The following C16orf87 variants were observed in gnomAD, a reference collection of about 807,000 sequenced individuals.
The protein encoded by C16orf87 is HDAC and MIER1 interacting protein 1.
C16orf87 carries 13 observed loss-of-function variants against 21.0 expected under a neutral mutation model. The observed-to-expected ratio is 0.62, with a 90% CI of 0.40 to 0.98. The LOEUF (loss-of-function observed/expected upper bound fraction) is 0.98. Among genes scored for constraint, C16orf87 ranks in the 50% least tolerant of loss-of-function variants. The probability of loss-of-function intolerance (pLI) is 0.00; values close to 1 mark genes in which losing one functional copy is unlikely to be tolerated. For missense variants in C16orf87, 113 were observed against 180.4 expected (o/e 0.63, Z 2.14); for synonymous variants, 49 against 60.2 (o/e 0.81, Z 0.86).
At chr16:46,809,305 A>G (rs1284764470) in intron 3 of C16orf87, among the ~76,000 whole-genome samples, 3 of 151,902 alleles carry the variant, frequency 2.0e-5, no homozygotes, top group Non-Finnish European at 4.4e-5. Flanking sequence ...AAAAAAGTAC[A>G]ATCATTTTAA....
In C16orf87 at chr16:46,802,956, A is replaced by G. The variant is rs1340969483; in HGVS notation, c.461T>C (p.Leu154Pro). The G allele has an allele frequency of 2.0e-6, 3 of 1,494,128 alleles. No individual in the cohort carries two copies. The highest frequency in any genetic ancestry group is 1.8e-5 in the Admixed American group (1 of 57,110). 92.6% of individuals were successfully genotyped at this position (1,494,128 alleles called of 1,614,324 possible). Residue 154 changes from leucine (L) to proline (P), a missense_variant, in exon 4 of 4, where the codon CTC (leucine) becomes CCC (proline). Transcript: ENST00000285697. ...AGCAGATTTTGCAAACAAGTATCAGAGAATAAGTCTTTGATTGATAATTTT... is the reference window on the plus strand; with the variant it reads ...AGCAGATTTTGCAAACAAGTATCAGGGAATAAGTCTTTGATTGATAATTTT... ...NRKIINQRLI[L>P]
intron 2 of C16orf87, among the ~76,000 whole-genome samples, chr16:46,812,486 G>A (rs1968118883): frequency 6.6e-6 from 1 of 151,940 alleles, no homozygotes; most frequent in Non-Finnish European, 1.5e-5. Flanking sequence ...AAATTATATG[G>A]GATTTGCTTC....
rs1232848598 is a variant in C16orf87 at position 46,799,932 on chromosome 16, C to T, written c.*3020G>A. On this transcript the variant is annotated 3_prime_UTR_variant, in exon 4 of 4. Coordinates refer to ENST00000285697, the MANE Select transcript of C16orf87 (RefSeq NM_001001436.4). ...GGGATTACAGGTGTAAGCCACCATG[C>T]CTGGCCAATTAATACTTTATATAAA... 1 of 152,162 alleles carries T rather than the reference C, an allele frequency of 6.6e-6. No homozygotes were observed. The highest frequency in any genetic ancestry group is 6.5e-5 in the Admixed American group (1 of 15,274). 9.4% of individuals were successfully genotyped at this position (152,162 alleles called of 1,614,324 possible).
chr16:46,809,019 CAAAAAA>C (rs776311594), intron 3 of C16orf87, among the ~76,000 whole-genome samples: 2 of 51,556 alleles, frequency 3.9e-5, no homozygotes, highest in Non-Finnish European at 8.0e-5. Context: ...CTTTAAAAGA[CAAAAAA>C]AAAAAAAAAA....
Position 46,800,995 on chromosome 16 carries a change from G to C in C16orf87, c.*1957C>G, listed in dbSNP as rs140449159. On this transcript the variant is annotated 3_prime_UTR_variant, in exon 4 of 4. Coordinates refer to ENST00000285697, the MANE Select transcript of C16orf87 (RefSeq NM_001001436.4). ...TATTTTAACATGACTTTCCTGTAATGGTCTTCAGCTTTAAATGGATAGACT... is the reference window on the plus strand; with the variant it reads ...TATTTTAACATGACTTTCCTGTAATCGTCTTCAGCTTTAAATGGATAGACT... 6.6e-6 allele frequency: 1 copy of C among 152,198 alleles called. No homozygotes were observed. The allele number at this position is 152,198 out of a possible 1,614,324, so 9.4% of individuals were successfully genotyped here.
Position 46,802,972 on chromosome 16 carries a change from T to G in C16orf87, c.445A>C (p.Asn149His). 1 of 1,576,708 alleles carries G rather than the reference T, an allele frequency of 6.3e-7. No individual in the cohort carries two copies. Among genetic ancestry groups the G allele is most frequent in the Middle Eastern group, 1.8e-4 (1 of 5,592 alleles). Residue 149 changes from asparagine (N) to histidine (H), a missense_variant, in exon 4 of 4, where the codon AAT becomes CAT. Physicochemically the swap from Asn to His is moderately conservative, Grantham distance 68. Coordinates refer to ENST00000285697, the MANE Select transcript of C16orf87 (RefSeq NM_001001436.4). ...AAGTATCAGAGAATAAGTCTTTGAT[T>G]GATAATTTTTCTATTTATTTCTGCC... is the stretch of plus-strand genomic sequence containing the variant. ...ALAEINRKII[N>H]QRLIL
At chr16:46,830,268 CAGAGAGAGAGAGAGAGAG>C (rs771471669) in intron 1 of C16orf87, among the ~76,000 whole-genome samples, 78 of 59,734 alleles carry the variant, frequency 1.3e-3, no homozygotes, top group South Asian at 5.3e-3. Context: ...GAGAGACAGA[CAGAGAGAGAGAGAGAGAG>C]AGAGAGAGAG....
chr16:46,803,557 C>T (rs1301874233), intron 3 of C16orf87, among the ~76,000 whole-genome samples: 2 of 152,068 alleles, frequency 1.3e-5, no homozygotes, highest in African/African-American at 4.8e-5. Context: ...AAAAATCACT[C>T]GTAATCTCAT....
At chr16:46,809,836 T>C (rs774642859) in intron 2 of C16orf87, 51 bp from the exon 3 acceptor site, 2 of 1,184,758 alleles carry the variant, frequency 1.7e-6, no homozygotes, top group East Asian at 4.7e-5. Context: ...AAGAACTGTT[T>C]GCCCAAGTTC....
At chr16:46,820,427 G>A (rs1016504269) in intron 2 of C16orf87, among the ~76,000 whole-genome samples, 3 of 151,762 alleles carry the variant, frequency 2.0e-5, no homozygotes, top group Admixed American at 1.3e-4. Flanking sequence ...CATTTTGTGG[G>A]GTTTTAAAAA....
chr16:46,805,768 G>T (rs1280783807), intron 3 of C16orf87, among the ~76,000 whole-genome samples: 1 of 152,230 alleles, frequency 6.6e-6, no homozygotes, highest in Non-Finnish European at 1.5e-5. Context: ...CCACTTCTCT[G>T]TGAATCTCTA....
chr16:46,829,308 T>C (rs539182771), intron 1 of C16orf87, among the ~76,000 whole-genome samples: 3 of 152,190 alleles, frequency 2.0e-5, no homozygotes, highest in East Asian at 3.9e-4. Flanking sequence ...AGAATAAATA[T>C]GGGGGAGGGG....
In C16orf87 at chr16:46,801,557, G is replaced by A. The variant is rs577146528; in HGVS notation, c.*1395C>T. On this transcript the variant is annotated 3_prime_UTR_variant, in exon 4 of 4. Transcript: ENST00000285697. ...ATAAAATGCATACAAAATAGTTGCAGTAGTACCTGCAGATAGATACAGGGA... is the reference window on the plus strand; with the variant it reads ...ATAAAATGCATACAAAATAGTTGCAATAGTACCTGCAGATAGATACAGGGA... 1 of 152,176 alleles carries A rather than the reference G, an allele frequency of 6.6e-6. No individual in the cohort carries two copies. Among genetic ancestry groups the A allele is most frequent in the African/African-American group, 2.4e-5 (1 of 41,444 alleles). 9.4% of individuals were successfully genotyped at this position (152,176 alleles called of 1,614,324 possible).
chr16:46,823,685 T>C (rs1959508052), intron 2 of C16orf87, among the ~76,000 whole-genome samples: 1 of 151,776 alleles, frequency 6.6e-6, no homozygotes, highest in Non-Finnish European at 1.5e-5. Context: ...TTACCACCAT[T>C]ATGAGAGAAA....
chr16:46,829,116 G>T (rs898405710), intron 1 of C16orf87, among the ~76,000 whole-genome samples: 2 of 152,112 alleles, frequency 1.3e-5, no homozygotes, highest in Non-Finnish European at 2.9e-5. Context: ...TAAGTCATGA[G>T]GGTGGGGCCC....
intron 2 of C16orf87, among the ~76,000 whole-genome samples, chr16:46,820,858 C>T (rs1008272610): frequency 6.6e-6 from 1 of 152,198 alleles, no homozygotes; most frequent in Non-Finnish European, 1.5e-5. Context: ...CATGAAAGTA[C>T]TTAGAAATTC....
At chr16:46,808,873 A>G (rs17189741) in intron 3 of C16orf87, among the ~76,000 whole-genome samples, 28,835 of 152,024 alleles carry the variant, frequency 0.19, 3,279 homozygotes, top group African/African-American at 0.31. Context: ...CATCTATGCA[A>G]AAGCTGCCTC....
At chr16:46,809,019 CAAAAA>C (rs776311594) in intron 3 of C16orf87, among the ~76,000 whole-genome samples, 3 of 51,546 alleles carry the variant, frequency 5.8e-5, no homozygotes, top group East Asian at 8.1e-4. Context: ...CTTTAAAAGA[CAAAAA>C]AAAAAAAAAA....
intron 1 of C16orf87, 119 bp downstream of exon 1, chr16:46,830,965 C>A (rs1177646039): frequency 3.2e-6 from 2 of 617,754 alleles, no homozygotes; most frequent in South Asian, 7.8e-5. Flanking sequence ...CCGCCGCCGC[C>A]GGCGGGCCCC....
Sources: gnomAD v4.1 joint callset for allele counts (sites outside exome capture counted in the v4.1 genomes callset) on GRCh38, gnomAD v4.1.1 for gene constraint, MANE v1.5 for transcripts, NCBI Gene and HGNC (gene_info 2026-07-23, HGNC 2026-07-21) for gene names.